Variants in LRRC72 observed in about 807,000 individuals in gnomAD.
LRRC72 encodes the protein leucine rich repeat containing 72, also known as leucine-rich repeat-containing protein 72.
A neutral mutation model predicts 35.8 loss-of-function variants in LRRC72; 41 were observed. The observed-to-expected ratio is 1.15, with a 90% confidence interval of 0.89 to 1.49. The LOEUF is 1.49. Ranked by LOEUF, LRRC72 falls within the 40% of genes most tolerant of loss-of-function variation. LRRC72 has a pLI of 0.00. For missense variants in LRRC72, 389 were observed against 330.7 expected, an observed-to-expected ratio of 1.18 and a Z score of -1.37; for synonymous variants, 118 against 119.2, an observed-to-expected ratio of 0.99 and a Z score of 0.07.
intron 5 of LRRC72, among the ~76,000 whole-genome samples, chr7:16,563,177 C>T (rs372665736): frequency 1.2e-4 from 19 of 152,046 alleles, no homozygotes; most frequent in African/African-American, 4.6e-4. Flanking sequence ...CAACTTTCTT[C>T]GAAGGCAGCC....
At chr7:16,560,854 G>C (rs1046096012) in intron 5 of LRRC72, among the ~76,000 whole-genome samples, 1 of 151,992 alleles carries the variant, frequency 6.6e-6, no homozygotes, top group Non-Finnish European at 1.5e-5. Flanking sequence ...TCAATAAAAC[G>C]ATATTTTAAA....
At chr7:16,569,652 A>G (rs956886083) in intron 7 of LRRC72, among the ~76,000 whole-genome samples, 3 of 152,192 alleles carry the variant, frequency 2.0e-5, no homozygotes, top group African/African-American at 7.2e-5. Flanking sequence ...GGAGTAAGCA[A>G]AAAGAATTAT....
Position 16,566,283 on chromosome 7 carries a change from A to G in LRRC72, c.428-30A>G, listed in dbSNP as rs529664344. 3.6e-6 allele frequency: 5 copies of G among 1,385,152 alleles called. No homozygotes were observed. The South Asian group carries it at 4.3e-5, about 12-fold the overall frequency. The allele number at this position is 1,385,152 out of a possible 1,614,324, so 85.8% of individuals were successfully genotyped here. A position where few individuals can be genotyped will look rare whatever the true frequency, so the allele number is the denominator to read the frequency against. ...TAAGTGAAACTGATTTTGAAATCTGACATTTTTATTTTGGATTCTTCATTT... is the reference window on the plus strand; with the variant it reads ...TAAGTGAAACTGATTTTGAAATCTGGCATTTTTATTTTGGATTCTTCATTT... On this transcript the variant is annotated intron_variant, in intron 5 of 8. Coordinates refer to ENST00000401542, the MANE Select transcript of LRRC72 (RefSeq NM_001195280.2).
chr7:16,535,441 C>CTAA (rs1339630134), intron 2 of LRRC72, among the ~76,000 whole-genome samples: 1 of 152,024 alleles, frequency 6.6e-6, no homozygotes, highest in Non-Finnish European at 1.5e-5. Context: ...AGAATAGCAG[C>CTAA]TAATAAATGT....
intron 1 of LRRC72, among the ~76,000 whole-genome samples, chr7:16,528,158 C>T (rs1377302046): frequency 6.6e-6 from 1 of 152,194 alleles, no homozygotes; most frequent in African/African-American, 2.4e-5. Context: ...TCAAATGCTC[C>T]TCTGCCTCCT....
chr7:16,564,945 T>G (rs532508503), intron 5 of LRRC72, among the ~76,000 whole-genome samples: 1 of 152,350 alleles, frequency 6.6e-6, no homozygotes, highest in South Asian at 2.1e-4. Flanking sequence ...TTTTCATGCC[T>G]TTATCAAACC....
intron 2 of LRRC72, among the ~76,000 whole-genome samples, chr7:16,534,255 G>C (rs1409762301): frequency 6.6e-6 from 1 of 152,146 alleles, no homozygotes; most frequent in Non-Finnish European, 1.5e-5. Flanking sequence ...GTCAGCATGA[G>C]TCATAGCCAT....
chr7:16,547,563 C>A (rs1338353742), intron 3 of LRRC72, among the ~76,000 whole-genome samples: 1 of 152,238 alleles, frequency 6.6e-6, no homozygotes, highest in Non-Finnish European at 1.5e-5. Flanking sequence ...CCCTCTTATG[C>A]CTGCAGGCTC....
In LRRC72 at chr7:16,537,708, T is replaced by G. The variant is rs1321008950; in HGVS notation, c.234+12T>G. On this transcript the variant is annotated intron_variant, in intron 3 of 8. Coordinates refer to ENST00000401542, the MANE Select transcript of LRRC72 (RefSeq NM_001195280.2). Reference sequence around the variant, plus strand: ...TTCATCATAACAAGGTAGTGTTTTATTTTATCTTTCAATTACTAAAATTAA... The same window carrying G: ...TTCATCATAACAAGGTAGTGTTTTAGTTTATCTTTCAATTACTAAAATTAA... 3.0e-6 allele frequency: 4 copies of G among 1,355,818 alleles called. No homozygotes were observed. The highest frequency in any genetic ancestry group is 4.0e-6 in the Non-Finnish European group (4 of 994,166). The allele number at this position is 1,355,818 out of a possible 1,614,324, so 84.0% of individuals were successfully genotyped here. A position where few individuals can be genotyped will look rare whatever the true frequency, so the allele number is the denominator to read the frequency against.
chr7:16,581,377 C>T lies in LRRC72; in HGVS notation c.752C>T (p.Ser251Leu). The T allele has an allele frequency of 3.2e-6, 5 of 1,548,844 alleles. No individual in the cohort carries two copies. The highest frequency in any genetic ancestry group is 3.5e-6 in the Non-Finnish European group (4 of 1,146,128). ...DAVFVRSMKR[S>L]VMTLTSMNWD... ...GTTTTTGTGAGGTCCATGAAGAGAT[C>T]AGTGATGACTTTGACCTCTATGAAC... Residue 251 changes from serine (S) to leucine (L), a missense_variant, in exon 9 of 9, where the codon TCA becomes TTA. Coordinates refer to ENST00000401542, the MANE Select transcript of LRRC72 (RefSeq NM_001195280.2).
chr7:16,529,581 A>C (rs1386018850), intron 1 of LRRC72, among the ~76,000 whole-genome samples: 1 of 152,196 alleles, frequency 6.6e-6, no homozygotes, highest in East Asian at 1.9e-4. Flanking sequence ...GGGAACTGGA[A>C]TTGTTCCACC....
intron 3 of LRRC72, among the ~76,000 whole-genome samples, chr7:16,552,274 A>C (rs10257751): frequency 6.6e-6 from 1 of 152,080 alleles, no homozygotes; most frequent in African/African-American, 2.4e-5. Flanking sequence ...AATTACAGCA[A>C]CATTGATTAT....
chr7:16,540,460 T>C (rs1782337897), intron 3 of LRRC72, among the ~76,000 whole-genome samples: 1 of 152,178 alleles, frequency 6.6e-6, no homozygotes, highest in African/African-American at 2.4e-5. Context: ...CTTGGACTTT[T>C]GGGTTAATGC....
At chr7:16,558,360 G>A (rs1304690740) in intron 4 of LRRC72, among the ~76,000 whole-genome samples, 2 of 152,218 alleles carry the variant, frequency 1.3e-5, no homozygotes, top group Admixed American at 6.5e-5. Context: ...TGTAATCCCA[G>A]CAGTTTGGGA....
intron 7 of LRRC72, 123 bp downstream of exon 7, chr7:16,567,666 G>C: frequency 1.2e-6 from 1 of 835,892 alleles, no homozygotes; most frequent in Non-Finnish European, 1.7e-6. Flanking sequence ...CTATGTAATG[G>C]AATAATTTCT....
chr7:16,559,428 G>C lies in LRRC72; in HGVS notation c.427+429G>C, dbSNP rs149267800. Reference sequence around the variant, plus strand: ...AAAAATTAGATATTCCTGAAAATAAGGCTAGATCTTATTGTCTTTTAAGAT... The same window carrying C: ...AAAAATTAGATATTCCTGAAAATAACGCTAGATCTTATTGTCTTTTAAGAT... On this transcript the variant is annotated intron_variant, in intron 5 of 8. Coordinates refer to ENST00000401542, the MANE Select transcript of LRRC72 (RefSeq NM_001195280.2). 1.7e-3 allele frequency among the ~76,000 whole-genome samples: 262 copies of C among 151,998 alleles called. 10 individuals are homozygous for C. The East Asian group carries it at 0.045, about 26-fold the overall frequency.
intron 7 of LRRC72, among the ~76,000 whole-genome samples, chr7:16,578,054 GA>G (rs1471564249): frequency 6.6e-6 from 1 of 152,046 alleles, no homozygotes; most frequent in Non-Finnish European, 1.5e-5. Flanking sequence ...TATGGACAAA[GA>G]AAAAATATAT....
At chr7:16,553,315 G>C (rs1029876869) in intron 3 of LRRC72, among the ~76,000 whole-genome samples, 4 of 152,222 alleles carry the variant, frequency 2.6e-5, no homozygotes, top group African/African-American at 9.6e-5. Flanking sequence ...TTGGGAGTCA[G>C]ATAGACTTGG....
chr7:16,577,448 T>C (rs1301575014), intron 7 of LRRC72, among the ~76,000 whole-genome samples: 1 of 152,094 alleles, frequency 6.6e-6, no homozygotes, highest in African/African-American at 2.4e-5. Context: ...GAAAATACTT[T>C]CATAATCCCA....
Sources: gnomAD v4.1 joint callset for allele counts (sites outside exome capture counted in the v4.1 genomes callset) on GRCh38, gnomAD v4.1.1 for gene constraint, MANE v1.5 for transcripts, NCBI Gene and HGNC (gene_info 2026-07-23, HGNC 2026-07-21) for gene names.